PCDH1: variants seen among roughly 807,000 people sequenced by gnomAD.
PCDH1 encodes the protein protocadherin-1.
In PCDH1, 23 loss-of-function variants were observed where a neutral mutation model predicts 74.6. That is an observed-to-expected ratio of 0.31 (90% CI 0.22 to 0.44). The LOEUF is 0.44. Ranked by LOEUF, PCDH1 falls within the 20% of genes least tolerant of loss-of-function variation. The pLI, the probability that PCDH1 is intolerant of heterozygous loss-of-function variation, is 1.00. For synonymous variants in PCDH1, 647 were observed against 686.1 expected, an observed-to-expected ratio of 0.94 and a Z score of 0.89; for missense variants, 1,214 against 1,641.4, an observed-to-expected ratio of 0.74 and a Z score of 4.50.
Position 141,878,132 on chromosome 5 carries a change from G to A in PCDH1, c.40+91C>T, listed in dbSNP as rs1753287706. On this transcript the variant is annotated intron_variant, in intron 1 of 4. Transcript: ENST00000287008. This position sits in a 1 kb window ranked among gnomAD's most constrained non-coding sequence, Gnocchi z 5.5. ...GCTCGTGTTGGGCCCCCGCGGCCTC[G>A]CTCCGCCGAGCGCCCCTCCCTCAGC... 5 of 1,233,186 alleles carry A rather than the reference G, an allele frequency of 4.1e-6. No individual in the cohort carries two copies. Among genetic ancestry groups the A allele is most frequent in the Middle Eastern group, 2.9e-4 (1 of 3,406 alleles). 76.4% of individuals were successfully genotyped at this position (1,233,186 alleles called of 1,614,324 possible). A position where few individuals can be genotyped will look rare whatever the true frequency, so the allele number is the denominator to read the frequency against.
At position 141,869,577 on chromosome 5, in the gene PCDH1, T is replaced by A. The variant is rs765350680; in HGVS notation, c.41-146A>T. ...GTCAGTCCCAGCACAGAACCCCGAT[T>A]CCAGAAACTCAGATCCCTGAATCTC... On this transcript the variant is annotated intron_variant, in intron 1 of 4. Coordinates refer to ENST00000287008, the MANE Select transcript of PCDH1 (RefSeq NM_032420.5). This position sits in a 1 kb window ranked among gnomAD's most constrained non-coding sequence, Gnocchi z 4.9. 9 of 1,535,258 alleles carry A rather than the reference T, an allele frequency of 5.9e-6. No homozygotes were observed. In the South Asian group the frequency reaches 9.6e-5, roughly 16 times the overall value.
Position 141,865,519 on chromosome 5 carries a change from C to T in PCDH1, c.904-92G>A. 4 of 1,395,948 alleles carry T rather than the reference C, an allele frequency of 2.9e-6. No homozygotes were observed. Among genetic ancestry groups the T allele is most frequent in the Non-Finnish European group, 3.9e-6 (4 of 1,021,442 alleles). The allele number at this position is 1,395,948 out of a possible 1,614,324, so 86.5% of individuals were successfully genotyped here. A position where few individuals can be genotyped will look rare whatever the true frequency, so the allele number is the denominator to read the frequency against. ...GCACACATGCTGCCAATGTCCTTTC[C>T]AACAAGCATGGCAGACACAGCCAAT... is the stretch of plus-strand genomic sequence containing the variant. On this transcript the variant is annotated intron_variant, in intron 2 of 4. Transcript: ENST00000287008. The surrounding 1 kb of genome is among the most constrained non-coding windows in gnomAD (Gnocchi z 4.4).
intron 4 of PCDH1, among the ~76,000 whole-genome samples, chr5:141,854,981 T>C (rs1752275650): frequency 6.6e-6 from 1 of 150,952 alleles, no homozygotes; most frequent in African/African-American, 2.4e-5. Flanking sequence ...CTTATCCTTT[T>C]TTTTTTCAAG....
intron 2 of PCDH1, among the ~76,000 whole-genome samples, chr5:141,867,278 G>A (rs932860990): frequency 1.3e-5 from 2 of 152,058 alleles, no homozygotes; most frequent in African/African-American, 4.8e-5. Context: ...TGACCTCTCT[G>A]CTTACTCTCT....
At chr5:141,872,367 C>T (rs953278531) in intron 1 of PCDH1, among the ~76,000 whole-genome samples, 2 of 152,188 alleles carry the variant, frequency 1.3e-5, no homozygotes, top group African/African-American at 4.8e-5. Flanking sequence ...TAAACCTGAC[C>T]AAGAGAATAA....
At chr5:141,872,749 A>G (rs560787668) in intron 1 of PCDH1, among the ~76,000 whole-genome samples, 1 of 152,360 alleles carries the variant, frequency 6.6e-6, no homozygotes, top group Non-Finnish European at 1.5e-5. Flanking sequence ...ACCTTCAACC[A>G]GCAAAAGAAC....
At chr5:141,874,528 C>T (rs1279334715) in intron 1 of PCDH1, among the ~76,000 whole-genome samples, 1 of 152,178 alleles carries the variant, frequency 6.6e-6, no homozygotes, top group Non-Finnish European at 1.5e-5. Flanking sequence ...AGCAGAAGTG[C>T]CGTCAGGGGT....
At chr5:141,859,815 T>C (rs1254790192) in intron 3 of PCDH1, among the ~76,000 whole-genome samples, 1 of 152,126 alleles carries the variant, frequency 6.6e-6, no homozygotes, top group Non-Finnish European at 1.5e-5. Flanking sequence ...CACCATATAT[T>C]CCAGTGCTCT....
chr5:141,878,306 G>A lies in PCDH1; in HGVS notation c.-44C>T, dbSNP rs887672903. On this transcript the variant is annotated 5_prime_UTR_variant, in exon 1 of 5. Transcript: ENST00000287008. This position sits in a 1 kb window ranked among gnomAD's most constrained non-coding sequence, Gnocchi z 5.5. ...GCCTGGGCTGCGGCTCCGCACGGCT[G>A]GGGCTGGAGCTGCAGTTCGGGCTCC... 8.2e-6 allele frequency: 10 copies of A among 1,215,362 alleles called. No individual in the cohort carries two copies. The African/African-American group carries it at 1.3e-4, about 15-fold the overall frequency. 75.3% of individuals were successfully genotyped at this position (1,215,362 alleles called of 1,614,324 possible). A position where few individuals can be genotyped will look rare whatever the true frequency, so the allele number is the denominator to read the frequency against.
In PCDH1 at chr5:141,865,194, G is replaced by A. The variant is rs1165212626; in HGVS notation, c.1137C>T (p.Asp379=). ...ARAQVVVTVK[D]MNDNAPTIEI... is the part of the protein sequence containing the mutation. ...CAATGGTGGGGGCATTGTCATTCAT[G>A]TCCTTCACGGTCACAACCACCTGGG... The change falls in exon 3 of 5, where the codon GAC becomes GAT. Residue 379 remains aspartate, a synonymous_variant. Transcript: ENST00000287008. The surrounding 1 kb of genome is among the most constrained non-coding windows in gnomAD (Gnocchi z 4.4). 3.1e-6 allele frequency: 5 copies of A among 1,614,180 alleles called. No homozygotes were observed. Among genetic ancestry groups the A allele is most frequent in the Non-Finnish European group, 4.2e-6 (5 of 1,180,036 alleles).
In PCDH1 at chr5:141,864,603, C is replaced by G. The variant is rs369563536; in HGVS notation, c.1728G>C (p.Glu576Asp). Residue 576 changes from glutamate (E) to aspartate (D), a missense_variant, in exon 3 of 5, where the codon GAG (glutamate) becomes GAC (aspartate). By Grantham distance (45) the Glu-to-Asp change is conservative (BLOSUM62 2). Transcript: ENST00000287008. This position sits in a 1 kb window ranked among gnomAD's most constrained non-coding sequence, Gnocchi z 5.9. Reference sequence around the variant, plus strand: ...CTGCCACCACCTTCAACTCATAGCTCTCCCGCTGTTCCCGATCCAGAGATG... The same window carrying G: ...CTGCCACCACCTTCAACTCATAGCTGTCCCGCTGTTCCCGATCCAGAGATG... ...VKTSLDREQR[E>D]SYELKVVAAD... is the part of the protein sequence containing the mutation. The G allele has an allele frequency of 1.2e-4, 189 of 1,613,594 alleles. No homozygotes were observed. The highest frequency in any genetic ancestry group is 1.5e-4 in the Non-Finnish European group (182 of 1,180,052).
In PCDH1 at chr5:141,865,359, T is replaced by G. The variant is rs542198883; in HGVS notation, c.972A>C (p.Glu324Asp). Residue 324 changes from glutamate to aspartate, a missense_variant, in exon 3 of 5, where the codon GAA (glutamate) becomes GAC (aspartate). Transcript: ENST00000287008. This position sits in a 1 kb window ranked among gnomAD's most constrained non-coding sequence, Gnocchi z 4.4. ...CCAGTCGAAGAAGACGCCTCACAAC[T>G]TCGGGCGCCTGGTGGAATGTGTATT... ...EIEYTFHQAP[E>D]VVRRLLRLDR... The G allele has an allele frequency of 6.2e-6, 10 of 1,614,108 alleles. No homozygotes were observed. The Admixed American group carries it at 1.0e-4, about 16-fold the overall frequency.
intron 4 of PCDH1, among the ~76,000 whole-genome samples, chr5:141,855,543 C>G (rs1385582667): frequency 6.6e-6 from 1 of 152,116 alleles, no homozygotes; most frequent in East Asian, 1.9e-4. Context: ...GTGGGCACCT[C>G]TATCCTCAGA....
intron 3 of PCDH1, among the ~76,000 whole-genome samples, chr5:141,858,273 C>A (rs187235988): frequency 1.3e-5 from 2 of 152,172 alleles, no homozygotes; most frequent in African/African-American, 2.4e-5. Flanking sequence ...CAAACCAGGG[C>A]ACCTGGGGGA....
At chr5:141,857,546 C>A in intron 3 of PCDH1, 75 bp from the exon 4 acceptor site, 1 of 1,267,628 alleles carries the variant, frequency 7.9e-7, no homozygotes, top group Non-Finnish European at 1.1e-6. Context: ...GGCCCTAGTA[C>A]AAGCCAAGCA....
intron 1 of PCDH1, among the ~76,000 whole-genome samples, chr5:141,874,190 G>A (rs1053958182): frequency 3.9e-5 from 6 of 152,274 alleles, no homozygotes; most frequent in Non-Finnish European, 7.4e-5. Context: ...AGGCTTCCTA[G>A]GCTGCTGCTG....
chr5:141,858,323 C>A (rs550964551), intron 3 of PCDH1, among the ~76,000 whole-genome samples: 1 of 152,180 alleles, frequency 6.6e-6, no homozygotes, highest in African/African-American at 2.4e-5. Flanking sequence ...CCAGTCCTCC[C>A]GATCAGGAAA....
chr5:141,863,981 G>A lies in PCDH1; in HGVS notation c.2350C>T (p.His784Tyr). The change falls in exon 3 of 5, where the codon CAC becomes TAC. Residue 784 changes from histidine to tyrosine, a missense_variant. Around this residue, in one of 4 missense-constraint regions of PCDH1, gnomAD observed 836 missense variants for 1,182.2 expected, o/e 0.71. Coordinates refer to ENST00000287008, the MANE Select transcript of PCDH1 (RefSeq NM_032420.5). The surrounding 1 kb of genome is among the most constrained non-coding windows in gnomAD (Gnocchi z 7.5). The part of the protein sequence containing the change: ...ITLEKEIERR[H>Y]HGLHRLVVKV... Reference sequence around the variant, plus strand: ...ACCACCAGGCGGTGTAGCCCATGGTGGCGCCGCTCAATCTCCTTCTCCAGG... The same window carrying A: ...ACCACCAGGCGGTGTAGCCCATGGTAGCGCCGCTCAATCTCCTTCTCCAGG... The A allele has an allele frequency of 6.2e-7, 1 of 1,614,150 alleles. No individual in the cohort carries two copies. The highest frequency in any genetic ancestry group is 8.5e-7 in the Non-Finnish European group (1 of 1,180,028).
Position 141,878,192 on chromosome 5 carries a change from G to T in PCDH1, c.40+31C>A, listed in dbSNP as rs1312506577. 1.4e-6 allele frequency: 2 copies of T among 1,431,112 alleles called. No individual in the cohort carries two copies. Among genetic ancestry groups the T allele is most frequent in the Admixed American group, 5.2e-5 (2 of 38,196 alleles). The allele number at this position is 1,431,112 out of a possible 1,614,324, so 88.7% of individuals were successfully genotyped here. On this transcript the variant is annotated intron_variant, in intron 1 of 4. Coordinates refer to ENST00000287008, the MANE Select transcript of PCDH1 (RefSeq NM_032420.5). This position sits in a 1 kb window ranked among gnomAD's most constrained non-coding sequence, Gnocchi z 5.5. Reference sequence around the variant, plus strand: ...CCATGACCGCTTCGGGCCCCAAGCCGCTGCTGCCTCCACCGCCGCCGGATC... The same window carrying T: ...CCATGACCGCTTCGGGCCCCAAGCCTCTGCTGCCTCCACCGCCGCCGGATC...
Sources: gnomAD v4.1 joint callset for allele counts (sites outside exome capture counted in the v4.1 genomes callset) on GRCh38, gnomAD v4.1.1 for gene constraint, gnomAD v4.1.1 regional missense constraint, Gnocchi (gnomAD v3.1) non-coding constraint, MANE v1.5 for transcripts, NCBI Gene and HGNC (gene_info 2026-07-23, HGNC 2026-07-21) for gene names.